The following DAP variants were observed in gnomAD, a reference collection of about 807,000 sequenced individuals.
The protein encoded by DAP is death-associated protein 1.
In DAP, 8 loss-of-function variants were observed where a neutral mutation model predicts 13.8. That is an observed-to-expected ratio of 0.58 (90% CI 0.34 to 1.05). The LOEUF (loss-of-function observed/expected upper bound fraction) is 1.05. Ranked by LOEUF, DAP falls within the 50% of genes least tolerant of loss-of-function variation. DAP has a pLI of 0.03. For synonymous variants in DAP, 47 were observed against 47.5 expected (o/e 0.99, Z 0.04); for missense variants, 106 against 133.2 (o/e 0.80, Z 1.01).
At chr5:10,706,151 C>T (rs1001692804) in intron 2 of DAP, among the ~76,000 whole-genome samples, 2 of 152,194 alleles carry the variant, frequency 1.3e-5, no homozygotes, top group African/African-American at 4.8e-5. Flanking sequence ...CCACAGCCAT[C>T]CACTTACAGG....
chr5:10,724,248 AG>A (rs1309647337), intron 2 of DAP, among the ~76,000 whole-genome samples: 2 of 152,238 alleles, frequency 1.3e-5, no homozygotes, highest in Non-Finnish European at 2.9e-5. Context: ...CATCTCTGGA[AG>A]GTTCTTGAGG....
In DAP at chr5:10,748,260, C is replaced by T; in HGVS notation, c.67G>A (p.Gly23Arg). 2.5e-6 allele frequency: 4 copies of T among 1,613,742 alleles called. No homozygotes were observed. The highest frequency in any genetic ancestry group is 1.7e-5 in the Admixed American group (1 of 60,016). ...GGGTGTTTCTGCACAATTCGCATTC[C>T]ACCAGCTTTCACTGAAATGAAAACA... Reference protein sequence around the residue: ...AGHPPAVKAGGMRIVQKHPHT... With the variant: ...AGHPPAVKAGRMRIVQKHPHT... Residue 23 changes from glycine to arginine, a missense_variant, in exon 2 of 4, where the codon GGA becomes AGA. By Grantham distance (125) the Gly-to-Arg change is moderately radical. Transcript: ENST00000230895.
Position 10,707,321 on chromosome 5 carries a change from G to A in DAP, c.153-23750C>T, listed in dbSNP as rs1463542164. On this transcript the variant is annotated intron_variant, in intron 2 of 3. Transcript: ENST00000230895. The surrounding 1 kb of genome is among the most constrained non-coding windows in gnomAD (Gnocchi z 4.0). ...GAGAGGCAGACATGTGGGTGGGTTC[G>A]GGAATGGGAGAACTGCCCAAGGGTG... Among the ~76,000 whole-genome samples the A allele has an allele frequency of 4.6e-5, 7 of 152,204 alleles. No individual in the cohort carries two copies. The South Asian group carries it at 6.2e-4, about 13-fold the overall frequency.
chr5:10,731,196 G>A (rs370726870), intron 2 of DAP, among the ~76,000 whole-genome samples: 1 of 131,098 alleles, frequency 7.6e-6, no homozygotes, highest in Non-Finnish European at 1.6e-5. Flanking sequence ...TGAGAGCCCT[G>A]GTGGGGGGAA....
intron 3 of DAP, 56 bp from the exon 4 acceptor site, chr5:10,681,225 G>A (rs1224455548): frequency 7.3e-7 from 1 of 1,377,454 alleles, no homozygotes; most frequent in African/African-American, 1.5e-5. Context: ...GGGTTTGTGG[G>A]TGAGGAAGCC....
intron 3 of DAP, chr5:10,683,205 C>T (rs1256172135): frequency 2.5e-6 from 1 of 394,466 alleles, no homozygotes; most frequent in Non-Finnish European, 4.6e-6. Flanking sequence ...GTTCTGAGAA[C>T]AGCAGCCCTA....
intron 1 of DAP, among the ~76,000 whole-genome samples, 156 bp from the exon 2 acceptor site, chr5:10,748,427 G>A (rs998982316): frequency 3.9e-5 from 6 of 152,154 alleles, no homozygotes; most frequent in African/African-American, 1.2e-4. Context: ...CAGGGTTGTC[G>A]GGGTAAATTC....
intron 2 of DAP, among the ~76,000 whole-genome samples, chr5:10,746,626 G>A (rs867832708): frequency 2.6e-5 from 4 of 152,064 alleles, no homozygotes; most frequent in East Asian, 3.9e-4. Flanking sequence ...CACCGTGCCC[G>A]GACAATTCTA....
intron 1 of DAP, among the ~76,000 whole-genome samples, chr5:10,749,601 GA>G (rs1739996032): frequency 6.6e-6 from 1 of 152,180 alleles, no homozygotes; most frequent in Non-Finnish European, 1.5e-5. Flanking sequence ...CATCTATTAA[GA>G]GTGGGAAATG....
Position 10,680,011 on chromosome 5 carries a change from A to AACTC in DAP, c.*1041_*1044dup, listed in dbSNP as rs1445123487. On this transcript the variant is annotated 3_prime_UTR_variant, in exon 4 of 4. Coordinates refer to ENST00000230895, the MANE Select transcript of DAP (RefSeq NM_004394.3). ...CAGACTAGGACATCTCTAGACAGGAAACTCATCTAAAAATCGGAGGACAAC... is the reference window on the plus strand; with the variant it reads ...CAGACTAGGACATCTCTAGACAGGAAACTCACTCATCTAAAAATCGGAGGACAAC... The AACTC allele has an allele frequency of 6.6e-6, 1 of 152,582 alleles. No homozygotes were observed. Among genetic ancestry groups the AACTC allele is most frequent in the Non-Finnish European group, 1.5e-5 (1 of 68,218 alleles). The allele number at this position is 152,582 out of a possible 1,614,324, so 9.5% of individuals were successfully genotyped here.
intron 1 of DAP, among the ~76,000 whole-genome samples, chr5:10,757,910 T>C (rs993712263): frequency 6.6e-6 from 1 of 152,008 alleles, no homozygotes; most frequent in Non-Finnish European, 1.5e-5. Flanking sequence ...GACCCAGCCC[T>C]GGAAGCAAGA....
intron 2 of DAP, among the ~76,000 whole-genome samples, chr5:10,712,058 A>C (rs1487724997): frequency 6.6e-6 from 1 of 152,124 alleles, no homozygotes; most frequent in Non-Finnish European, 1.5e-5. Context: ...GCCTTTAAAG[A>C]GGTGATTAAG....
At chr5:10,738,893 T>C (rs1044428613) in intron 2 of DAP, among the ~76,000 whole-genome samples, 5 of 152,066 alleles carry the variant, frequency 3.3e-5, no homozygotes, top group African/African-American at 9.7e-5. Context: ...TTTAGATATA[T>C]GTGAGCGTTA....
At chr5:10,722,162 C>T (rs1396188176) in intron 2 of DAP, among the ~76,000 whole-genome samples, 1 of 152,100 alleles carries the variant, frequency 6.6e-6, no homozygotes, top group African/African-American at 2.4e-5. Flanking sequence ...AATATTGATC[C>T]TGGGTGCATC....
chr5:10,683,734 G>C (rs1393257195), intron 2 of DAP, among the ~76,000 whole-genome samples, 163 bp from the exon 3 acceptor site: 1 of 152,204 alleles, frequency 6.6e-6, no homozygotes, highest in African/African-American at 2.4e-5. Flanking sequence ...CACACTACGG[G>C]GCTCGGGAGC....
chr5:10,750,604 C>G (rs995268696), intron 1 of DAP, among the ~76,000 whole-genome samples: 18 of 152,316 alleles, frequency 1.2e-4, no homozygotes, highest in African/African-American at 4.1e-4. Flanking sequence ...TTTTTCATTC[C>G]TACAGCTTTT....
At chr5:10,741,558 G>T (rs1224793808) in intron 2 of DAP, among the ~76,000 whole-genome samples, 1 of 152,198 alleles carries the variant, frequency 6.6e-6, no homozygotes, top group African/African-American at 2.4e-5. Context: ...GTATACTGTT[G>T]TAAGTTTCTT....
rs539977332 is a variant in DAP at position 10,752,704 on chromosome 5, TTGTG to T, written c.56-4437_56-4434del. On this transcript the variant is annotated intron_variant, in intron 1 of 3. Transcript: ENST00000230895. ...TGCACATGTGTGCATACGTATGTGC[TTGTG>T]TGTGTGGCTGTGTGTGGGCAAGTTG... 4.5e-4 allele frequency among the ~76,000 whole-genome samples: 69 copies of T among 152,278 alleles called. No individual in the cohort carries two copies. In the East Asian group the frequency reaches 0.011, roughly 25 times the overall value.
At chr5:10,709,710 G>A (rs550730995) in intron 2 of DAP, among the ~76,000 whole-genome samples, 1 of 152,312 alleles carries the variant, frequency 6.6e-6, no homozygotes, top group East Asian at 1.9e-4. Flanking sequence ...GAGCAGGCTT[G>A]GAACTCTGCT....
Sources: gnomAD v4.1 joint callset for allele counts (sites outside exome capture counted in the v4.1 genomes callset) on GRCh38, gnomAD v4.1.1 for gene constraint, Gnocchi (gnomAD v3.1) non-coding constraint, MANE v1.5 for transcripts, NCBI Gene and HGNC (gene_info 2026-07-23, HGNC 2026-07-21) for gene names.